Variants in ABTB1 observed in about 807,000 individuals in gnomAD.
The protein encoded by ABTB1 is ankyrin repeat and BTB/POZ domain-containing protein 1.
Under a neutral mutation model 57.1 loss-of-function variants are expected in ABTB1, and 45 were observed. That is an observed-to-expected ratio of 0.79 (90% confidence interval 0.62 to 1.01). The LOEUF (loss-of-function observed/expected upper bound fraction) is 1.01. Among genes scored for constraint, ABTB1 ranks in the 50% least tolerant of loss-of-function variants. The pLI is 0.00. For synonymous variants in ABTB1, 302 were observed against 275.4 expected (o/e 1.10, Z -0.95); for missense variants, 630 against 666.3 (o/e 0.95, Z 0.60).
In ABTB1 at chr3:127,680,428, C is replaced by G. The variant is rs751242925; in HGVS notation, c.1390C>G (p.Leu464Val). The stretch of plus-strand genomic sequence containing the variant: ...CGCCATAGAGGAGGCGCAGCAGCGT[C>G]TGCGGGCACTCGAGGACCTGCTCGT... ...YSAIEEAQQRLRALEDLLVSI... is the reference protein window; with the variant it reads ...YSAIEEAQQRVRALEDLLVSI... The change falls in exon 12 of 12, where the codon CTG becomes GTG. Residue 464 changes from leucine (L) to valine (V), a missense_variant. Leu to Val is a conservative substitution (Grantham distance 32). Transcript: ENST00000232744. The G allele has an allele frequency of 1.9e-5, 31 of 1,606,544 alleles. No homozygotes were observed. Among genetic ancestry groups the G allele is most frequent in the Non-Finnish European group, 2.6e-5 (31 of 1,177,552 alleles).
At chr3:127,674,292 A>G (rs938486205) in intron 1 of ABTB1, 99 bp from the exon 2 acceptor site, 12 of 1,497,438 alleles carry the variant, frequency 8.0e-6, no homozygotes, top group African/African-American at 5.5e-5. Context: ...AGGCTTCCCC[A>G]TACCAAAAGG....
At position 127,676,330 on chromosome 3, in the gene ABTB1, C is replaced by G. The variant is rs776861310; in HGVS notation, c.379C>G (p.Arg127Gly). ...CTTTGTAGTACACGGGAAGCCATTC[C>G]GGGTGCATCGCTGCGTCCTGGGTGC... ...VVFVVHGKPFRVHRCVLGARS... is the reference protein window; with the variant it reads ...VVFVVHGKPFGVHRCVLGARS... Residue 127 changes from arginine (R) to glycine (G), a missense_variant, in exon 5 of 12, where the codon CGG becomes GGG. This residue lies in a region of ABTB1 where 579 missense variants were observed against 585.9 expected (regional missense o/e 0.99). Transcript: ENST00000232744. This position sits in a 1 kb window ranked among gnomAD's most constrained non-coding sequence, Gnocchi z 5.4. The G allele has an allele frequency of 6.2e-7, 1 of 1,614,128 alleles. No individual in the cohort carries two copies. Among genetic ancestry groups the G allele is most frequent in the South Asian group, 1.1e-5 (1 of 91,086 alleles).
chr3:127,674,108 C>T (rs2074918126), intron 1 of ABTB1: 2 of 480,062 alleles, frequency 4.2e-6, no homozygotes, highest in East Asian at 3.9e-5. Context: ...CGCTGAAAGG[C>T]CAAAGGTCCA....
In ABTB1 at chr3:127,680,290, G is replaced by C; in HGVS notation, c.1252G>C (p.Val418Leu). ...ATAGCTGGTGGAGCGGGAGGACTTCGTGGAGGCGGTGAAGGAGGAGGCAGC... is the reference window on the plus strand; with the variant it reads ...ATAGCTGGTGGAGCGGGAGGACTTCCTGGAGGCGGTGAAGGAGGAGGCAGC... ...IEKLVEREDFVEAVKEEAAAV... is the reference protein window; with the variant it reads ...IEKLVEREDFLEAVKEEAAAV... Residue 418 changes from valine (V) to leucine (L), a missense_variant, in exon 12 of 12, where the codon GTG becomes CTG. Physicochemically the swap from Val to Leu is conservative, Grantham distance 32. Coordinates refer to ENST00000232744, the MANE Select transcript of ABTB1 (RefSeq NM_172027.3). The C allele has an allele frequency of 6.2e-7, 1 of 1,613,254 alleles. No individual in the cohort carries two copies. Among genetic ancestry groups the C allele is most frequent in the Non-Finnish European group, 8.5e-7 (1 of 1,179,734 alleles).
In ABTB1 at chr3:127,680,722, G is replaced by A. The variant is rs1232176016; in HGVS notation, c.*247G>A. 1.5e-6 allele frequency: 1 copy of A among 680,382 alleles called. No individual in the cohort carries two copies. The highest frequency in any genetic ancestry group is 1.7e-5 in the South Asian group (1 of 59,734). The allele number at this position is 680,382 out of a possible 1,614,324, so 42.1% of individuals were successfully genotyped here. A position where few individuals can be genotyped will look rare whatever the true frequency, so the allele number is the denominator to read the frequency against. On this transcript the variant is annotated 3_prime_UTR_variant, in exon 12 of 12. Coordinates refer to ENST00000232744, the MANE Select transcript of ABTB1 (RefSeq NM_172027.3). Reference sequence around the variant, plus strand: ...ACCCTGGGGGTGGACACCACTCAGGGAAACCTGGGGTGGGGGTGGGCTTTG... The same window carrying A: ...ACCCTGGGGGTGGACACCACTCAGGAAAACCTGGGGTGGGGGTGGGCTTTG...
Position 127,676,126 on chromosome 3 carries a change from C to T in ABTB1, c.320+12C>T. On this transcript the variant is annotated intron_variant, in intron 4 of 11. Transcript: ENST00000232744. The surrounding 1 kb of genome is among the most constrained non-coding windows in gnomAD (Gnocchi z 5.4). ...GACTTCTTGCAGCGGTGAGCCAGGG[C>T]ACACGAGGGGTGCAGCATGGGGTGC... 1 of 1,612,720 alleles carries T rather than the reference C, an allele frequency of 6.2e-7. No individual in the cohort carries two copies. The highest frequency in any genetic ancestry group is 1.7e-5 in the Admixed American group (1 of 60,010).
In ABTB1 at chr3:127,680,378, T is replaced by G; in HGVS notation, c.1340T>G (p.Val447Gly). 2 of 1,608,462 alleles carry G rather than the reference T, an allele frequency of 1.2e-6. No homozygotes were observed. The highest frequency in any genetic ancestry group is 1.7e-6 in the Non-Finnish European group (2 of 1,177,850). The change falls in exon 12 of 12, where the codon GTG (valine) becomes GGG (glycine). Residue 447 changes from valine to glycine, a missense_variant. Coordinates refer to ENST00000232744, the MANE Select transcript of ABTB1 (RefSeq NM_172027.3). ...IPLVDDIRFH[V>G]ASTVQTYSAI... ...CTGGTGGACGACATCCGCTTCCACG[T>G]GGCCAGCACGGTGCAGACCTACAGC...
intron 10 of ABTB1, 77 bp from the exon 11 acceptor site, chr3:127,679,908 G>A: frequency 2.7e-6 from 4 of 1,460,120 alleles, no homozygotes; most frequent in Non-Finnish European, 9.4e-7. Flanking sequence ...AACCACCACA[G>A]GCCCTAGCCT....
Position 127,675,964 on chromosome 3 carries a change from C to T in ABTB1, c.176-6C>T, listed in dbSNP as rs2074971423. On this transcript the variant is annotated splice_region_variant and splice_polypyrimidine_tract_variant and intron_variant, in intron 3 of 11. Transcript: ENST00000232744. ...CCTGCTAACTGGTGAGCCCTGCCTC[C>T]CCCAGGAGCCCGCTGCGAGGCCAAC... is the stretch of plus-strand genomic sequence containing the variant. 6.2e-7 allele frequency: 1 copy of T among 1,603,856 alleles called. No homozygotes were observed. Among genetic ancestry groups the T allele is most frequent in the African/African-American group, 1.3e-5 (1 of 74,884 alleles).
chr3:127,674,274 C>G (rs2074922780), intron 1 of ABTB1, 117 bp from the exon 2 acceptor site: 3 of 1,374,848 alleles, frequency 2.2e-6, no homozygotes, highest in East Asian at 2.5e-5. Context: ...CCTGCCCTCA[C>G]CTGGGGGAGG....
At chr3:127,673,716 C>T (rs1417621694) in intron 1 of ABTB1, 6 of 155,486 alleles carry the variant, frequency 3.9e-5, no homozygotes, top group African/African-American at 9.6e-5. Flanking sequence ...ACTGCTTCCA[C>T]CTCCCCTGGG....
chr3:127,677,567 C>T lies in ABTB1; in HGVS notation c.861+4C>T, dbSNP rs368663496. On this transcript the variant is annotated splice_donor_region_variant and intron_variant, in intron 9 of 11. Coordinates refer to ENST00000232744, the MANE Select transcript of ABTB1 (RefSeq NM_172027.3). ...CTGCAGCTTCCTCTGCCACAAGGTGCCTGTGCCCTCCTGTTGCCCCTGGCC... is the reference window on the plus strand; with the variant it reads ...CTGCAGCTTCCTCTGCCACAAGGTGTCTGTGCCCTCCTGTTGCCCCTGGCC... The T allele has an allele frequency of 5.0e-6, 8 of 1,613,756 alleles. No homozygotes were observed. The African/African-American group carries it at 1.1e-4, about 22-fold the overall frequency.
intron 3 of ABTB1, among the ~76,000 whole-genome samples, chr3:127,675,169 C>T (rs2074948817): frequency 1.3e-5 from 2 of 152,162 alleles, no homozygotes; most frequent in African/African-American, 4.8e-5. Context: ...CCCACTCCCC[C>T]TTCATTCAGG....
rs761024155 is a variant in ABTB1, at chr3:127,680,923, A to C, written c.*448A>C. The C allele has an allele frequency of 5.9e-6, 3 of 510,696 alleles. No individual in the cohort carries two copies. Among genetic ancestry groups the C allele is most frequent in the Non-Finnish European group, 1.0e-5 (3 of 290,462 alleles). The allele number at this position is 510,696 out of a possible 1,614,324, so 31.6% of individuals were successfully genotyped here. ...TAAAGCTTGAAGGCACCGTGGGAGCATGAGCCTGTGTCCTGGGGTACAGCT... is the reference window on the plus strand; with the variant it reads ...TAAAGCTTGAAGGCACCGTGGGAGCCTGAGCCTGTGTCCTGGGGTACAGCT... On this transcript the variant is annotated 3_prime_UTR_variant, in exon 12 of 12. Transcript: ENST00000232744.
At position 127,674,361 on chromosome 3, in the gene ABTB1, G is replaced by C; in HGVS notation, c.57-30G>C. On this transcript the variant is annotated intron_variant, in intron 1 of 11. Coordinates refer to ENST00000232744, the MANE Select transcript of ABTB1 (RefSeq NM_172027.3). ...CTTTCTCAGACCATGAACCCGTCCT[G>C]ACCCAGGCTCTGACCTCCTTCCTGC... 3 of 1,592,482 alleles carry C rather than the reference G, an allele frequency of 1.9e-6. No homozygotes were observed. The South Asian group carries it at 3.4e-5, about 18-fold the overall frequency.
In ABTB1 at chr3:127,676,875, C is replaced by G. The variant is rs140857313; in HGVS notation, c.527-92C>G. ...GGGCCCAGGAGTCCTAGTCCTGCAG[C>G]CAGGTGGCCAGGTGGGAGGGGATCA... On this transcript the variant is annotated intron_variant, in intron 6 of 11. Transcript: ENST00000232744. The surrounding 1 kb of genome is among the most constrained non-coding windows in gnomAD (Gnocchi z 5.4). The G allele has an allele frequency of 5.1e-4, 655 of 1,278,696 alleles. 5 individuals are homozygous for G. The African/African-American group carries it at 9.0e-3, about 18-fold the overall frequency. 79.2% of individuals were successfully genotyped at this position (1,278,696 alleles called of 1,614,324 possible). A position where few individuals can be genotyped will look rare whatever the true frequency, so the allele number is the denominator to read the frequency against.
At chr3:127,678,313 T>TGCGTGC (rs750751000) in intron 10 of ABTB1, 1 of 123,426 alleles carries the variant, frequency 8.1e-6, no homozygotes, top group Non-Finnish European at 1.8e-5. Context: ...AGAGAGTGTG[T>TGCGTGC]GTGTGCGTGC....
chr3:127,680,171 A>G lies in ABTB1; in HGVS notation c.1216A>G (p.Lys406Glu), dbSNP rs117417589. ...LEDQCTEYMA[K>E]VIEKLVERED... ...GGACCAGTGCACTGAGTACATGGCCAAGGTCATTGAGAAGGTGGGCCAGTG... is the reference window on the plus strand; with the variant it reads ...GGACCAGTGCACTGAGTACATGGCCGAGGTCATTGAGAAGGTGGGCCAGTG... Residue 406 changes from lysine to glutamate, a missense_variant, in exon 11 of 12, where the codon AAG (lysine) becomes GAG (glutamate). Lys to Glu is a moderately conservative substitution (Grantham distance 56). Coordinates refer to ENST00000232744, the MANE Select transcript of ABTB1 (RefSeq NM_172027.3). 4.3e-4 allele frequency: 690 copies of G among 1,613,866 alleles called. 4 individuals carry two copies. The East Asian group carries it at 0.014, about 32-fold the overall frequency.
At chr3:127,674,113 G>T in intron 1 of ABTB1, 1 of 491,912 alleles carries the variant, frequency 2.0e-6, no homozygotes, top group South Asian at 2.1e-5. Flanking sequence ...AAAGGCCAAA[G>T]GTCCAGCCTC....
Sources: allele counts gnomAD v4.1 joint callset (sites outside exome capture counted in the v4.1 genomes callset), GRCh38; gene constraint gnomAD v4.1.1; regional missense constraint gnomAD v4.1.1; non-coding constraint Gnocchi (gnomAD v3.1); transcripts MANE v1.5; gene names NCBI Gene and HGNC (gene_info 2026-07-23, HGNC 2026-07-21).